The following GALNT10 variants were observed in gnomAD, a reference collection of about 807,000 sequenced individuals.
GALNT10 encodes the protein GalNAc transferase 10.
A neutral mutation model predicts 75.0 loss-of-function variants in GALNT10; 41 were observed. The observed-to-expected ratio is 0.55, with a 90% confidence interval of 0.43 to 0.71. The LOEUF (loss-of-function observed/expected upper bound fraction) is 0.71, where lower values mean the gene tolerates loss of function less well. Ranked by LOEUF, GALNT10 falls within the 30% of genes least tolerant of loss-of-function variation. The pLI is 0.00. For missense variants in GALNT10, 727 were observed against 818.5 expected, an observed-to-expected ratio of 0.89 and a Z score of 1.36; for synonymous variants, 302 against 313.0, an observed-to-expected ratio of 0.96 and a Z score of 0.37.
rs1754099782 is a variant in GALNT10 at position 154,285,616 on chromosome 5, G to A, written c.160-9200G>A. Among the ~76,000 whole-genome samples the A allele has an allele frequency of 5.9e-5, 9 of 152,152 alleles. No homozygotes were observed. The South Asian group carries it at 1.9e-3, about 32-fold the overall frequency. ...CCCTATTTTTAAAAAAAATCTGTGT[G>A]TGCCCACCCCTACTTCTGCCTTCCC... On this transcript the variant is annotated intron_variant, in intron 1 of 11. Transcript: ENST00000297107.
At chr5:154,204,214 C>A (rs1156381126) in intron 1 of GALNT10, among the ~76,000 whole-genome samples, 4 of 152,174 alleles carry the variant, frequency 2.6e-5, no homozygotes, top group African/African-American at 9.7e-5. Context: ...AGGACAAGTT[C>A]TAAGGATCCC....
intron 7 of GALNT10, among the ~76,000 whole-genome samples, chr5:154,394,915 T>G (rs1755984775): frequency 6.6e-6 from 1 of 152,258 alleles, no homozygotes; most frequent in Non-Finnish European, 1.5e-5. Context: ...GGGCCACATA[T>G]GCCCAGCCTT....
At chr5:154,220,032 A>G (rs939533291) in intron 1 of GALNT10, 1 of 152,170 alleles carries the variant, frequency 6.6e-6, no homozygotes, top group African/African-American at 2.4e-5. Flanking sequence ...GCGAATCTTC[A>G]CATATTGTTT....
At chr5:154,217,461 A>G (rs1465791528) in intron 1 of GALNT10, among the ~76,000 whole-genome samples, 3 of 152,068 alleles carry the variant, frequency 2.0e-5, no homozygotes, top group African/African-American at 4.8e-5. Flanking sequence ...TGCTGTGGGA[A>G]TTGGAGGTTC....
chr5:154,223,613 AAGGG>A (rs1394071215), intron 1 of GALNT10, among the ~76,000 whole-genome samples: 1 of 152,226 alleles, frequency 6.6e-6, no homozygotes, highest in Non-Finnish European at 1.5e-5. Context: ...AGATGACAGA[AAGGG>A]AATAACAATT....
At chr5:154,353,123 C>T (rs1163474252) in intron 4 of GALNT10, among the ~76,000 whole-genome samples, 1 of 152,144 alleles carries the variant, frequency 6.6e-6, no homozygotes, top group Non-Finnish European at 1.5e-5. Flanking sequence ...ATTGCTGTGT[C>T]AGGACCTTGG....
intron 1 of GALNT10, among the ~76,000 whole-genome samples, chr5:154,236,256 T>C (rs1391478957): frequency 2.0e-5 from 3 of 152,192 alleles, no homozygotes; most frequent in Admixed American, 6.5e-5. Flanking sequence ...ACAACAGTGG[T>C]ACCTACCACA....
intron 4 of GALNT10, among the ~76,000 whole-genome samples, chr5:154,348,483 A>G (rs1344881147): frequency 2.0e-5 from 3 of 152,202 alleles, no homozygotes; most frequent in Non-Finnish European, 4.4e-5. Flanking sequence ...GTCATCAGTG[A>G]TAAGAGAAAA....
intron 1 of GALNT10, among the ~76,000 whole-genome samples, chr5:154,236,035 A>G (rs1353613006): frequency 6.6e-6 from 1 of 152,190 alleles, no homozygotes; most frequent in Non-Finnish European, 1.5e-5. Flanking sequence ...TCTTGTGCAC[A>G]ATGATGTTTT....
At chr5:154,307,933 A>G (rs1352080326) in intron 3 of GALNT10, among the ~76,000 whole-genome samples, 12 of 150,664 alleles carry the variant, frequency 8.0e-5, no homozygotes, top group Admixed American at 6.6e-4. Flanking sequence ...AAGTATGAAA[A>G]GAAAAACCTA....
intron 4 of GALNT10, among the ~76,000 whole-genome samples, chr5:154,345,550 T>C (rs1244474889): frequency 1.3e-5 from 2 of 152,016 alleles, no homozygotes; most frequent in Admixed American, 6.6e-5. Flanking sequence ...GCGGTATTTA[T>C]CTTGTGTGTC....
chr5:154,308,388 T>C (rs1223145730), intron 3 of GALNT10, among the ~76,000 whole-genome samples: 4 of 152,054 alleles, frequency 2.6e-5, no homozygotes, highest in Non-Finnish European at 4.4e-5. Context: ...TGAGTTTGGC[T>C]CGAGGAGTAG....
intron 1 of GALNT10, among the ~76,000 whole-genome samples, chr5:154,282,616 A>G (rs1409377445): frequency 6.6e-6 from 1 of 152,212 alleles, no homozygotes; most frequent in Non-Finnish European, 1.5e-5. Flanking sequence ...AGCCTGTTGC[A>G]TCTTTTTAAA....
Position 154,409,827 on chromosome 5 carries a change from C to T in GALNT10, c.1386+65C>T. The T allele has an allele frequency of 9.2e-7, 1 of 1,083,110 alleles. No individual in the cohort carries two copies. The highest frequency in any genetic ancestry group is 1.4e-6 in the Non-Finnish European group (1 of 700,676). The allele number at this position is 1,083,110 out of a possible 1,614,324, so 67.1% of individuals were successfully genotyped here. A position where few individuals can be genotyped will look rare whatever the true frequency, so the allele number is the denominator to read the frequency against. On this transcript the variant is annotated intron_variant, in intron 9 of 11. Transcript: ENST00000297107. This position sits in a 1 kb window ranked among gnomAD's most constrained non-coding sequence, Gnocchi z 4.5. ...GTGTGCAAAATGCAAATGCAGATCCCATGTTCAAAAGGTAGAAAGTCAGTG... is the reference window on the plus strand; with the variant it reads ...GTGTGCAAAATGCAAATGCAGATCCTATGTTCAAAAGGTAGAAAGTCAGTG...
chr5:154,292,205 C>T lies in GALNT10; in HGVS notation c.160-2611C>T, dbSNP rs140952540. Among the ~76,000 whole-genome samples the T allele has an allele frequency of 3.3e-5, 5 of 152,240 alleles. No individual in the cohort carries two copies. The East Asian group carries it at 9.7e-4, about 29-fold the overall frequency. ...GATTATCATCTGCTTCATTGTAGAC[C>T]AGCAGTTCTCAAACCTCAGCGTGTA... On this transcript the variant is annotated intron_variant, in intron 1 of 11. Coordinates refer to ENST00000297107, the MANE Select transcript of GALNT10 (RefSeq NM_198321.4).
At chr5:154,211,791 A>G (rs1313169014) in intron 1 of GALNT10, among the ~76,000 whole-genome samples, 1 of 152,160 alleles carries the variant, frequency 6.6e-6, no homozygotes, top group Admixed American at 6.5e-5. Flanking sequence ...TCCTCAACAC[A>G]AGACCTCTTC....
In GALNT10 at chr5:154,412,666, A is replaced by G. The variant is rs547978015; in HGVS notation, c.1387-223A>G. On this transcript the variant is annotated intron_variant, in intron 9 of 11. Transcript: ENST00000297107. This position sits in a 1 kb window ranked among gnomAD's most constrained non-coding sequence, Gnocchi z 4.2. ...AACCCAGGACTCTGCATACTCTACA[A>G]TACTACTTACAGCAGTGCTTTAAGG... 17 of 502,506 alleles carry G rather than the reference A, an allele frequency of 3.4e-5. No homozygotes were observed. In the East Asian group the frequency reaches 6.5e-4, roughly 19 times the overall value. 31.1% of individuals were successfully genotyped at this position (502,506 alleles called of 1,614,324 possible).
intron 1 of GALNT10, among the ~76,000 whole-genome samples, chr5:154,275,038 ACTGGCTCATTCCATGACC>A (rs1356582915): frequency 9.2e-5 from 14 of 152,200 alleles, no homozygotes; most frequent in Non-Finnish European, 1.8e-4. Context: ...TGGTTCTGAC[ACTGGCTCATTCCATGACC>A]CTGAGTGTAC....
chr5:154,327,848 T>C (rs967803325), intron 3 of GALNT10, among the ~76,000 whole-genome samples: 1 of 152,220 alleles, frequency 6.6e-6, no homozygotes, highest in Non-Finnish European at 1.5e-5. Flanking sequence ...GAAAGACAAC[T>C]GGACACAATG....
Sources: allele counts gnomAD v4.1 joint callset (sites outside exome capture counted in the v4.1 genomes callset), GRCh38; gene constraint gnomAD v4.1.1; non-coding constraint Gnocchi (gnomAD v3.1); transcripts MANE v1.5; gene names NCBI Gene and HGNC (gene_info 2026-07-23, HGNC 2026-07-21).